Variants in AFF3 observed in about 807,000 individuals in gnomAD.
AFF3 encodes the protein AF4/FMR2 family member 3.
AFF3 carries 32 observed loss-of-function variants against 129.7 expected under a neutral mutation model. The ratio of observed to expected loss-of-function variants is 0.25; its 90% confidence interval spans 0.19 to 0.33. The LOEUF is 0.33. Ranked by LOEUF, AFF3 falls within the 10% of genes least tolerant of loss-of-function variation. The pLI, the probability that AFF3 is intolerant of heterozygous loss-of-function variation, is 1.00. For synonymous variants in AFF3, 644 were observed against 635.4 expected, an observed-to-expected ratio of 1.01 and a Z score of -0.20; for missense variants, 1,373 against 1,592.0, an observed-to-expected ratio of 0.86 and a Z score of 2.34.
chr2:99,914,834 C>T (rs1297878531), intron 7 of AFF3, among the ~76,000 whole-genome samples: 1 of 152,006 alleles, frequency 6.6e-6, no homozygotes, highest in Non-Finnish European at 1.5e-5. Context: ...GCAGGAGAAT[C>T]GCTTGAACCC....
chr2:99,565,853 T>C (rs1675912443), intron 19 of AFF3, among the ~76,000 whole-genome samples: 1 of 152,230 alleles, frequency 6.6e-6, no homozygotes, highest in Admixed American at 6.5e-5. Context: ...CAAACCCATG[T>C]GACAGCTGTC....
intron 15 of AFF3, among the ~76,000 whole-genome samples, chr2:99,590,886 G>C (rs901666126): frequency 1.3e-5 from 2 of 151,932 alleles, no homozygotes; most frequent in South Asian, 4.2e-4. Context: ...CAAGCTACTC[G>C]GGAGGCTGAG....
intron 7 of AFF3, among the ~76,000 whole-genome samples, chr2:99,839,009 C>T (rs1689108489): frequency 1.3e-5 from 2 of 152,198 alleles, no homozygotes; most frequent in South Asian, 4.1e-4. Context: ...AGACCTTCTC[C>T]TACCCAGAAT....
chr2:99,844,883 C>T (rs1689612645), intron 7 of AFF3, among the ~76,000 whole-genome samples: 1 of 151,916 alleles, frequency 6.6e-6, no homozygotes, highest in South Asian at 2.1e-4. Context: ...CTGACCAGTT[C>T]CTAGCAGAGA....
chr2:99,589,032 T>C (rs965249928), intron 15 of AFF3, among the ~76,000 whole-genome samples: 2 of 152,248 alleles, frequency 1.3e-5, no homozygotes, highest in Non-Finnish European at 2.9e-5. Flanking sequence ...CGGAATTTTA[T>C]GTAAGTCTTT....
At chr2:99,619,285 T>A (rs1681759775) in intron 13 of AFF3, among the ~76,000 whole-genome samples, 1 of 152,218 alleles carries the variant, frequency 6.6e-6, no homozygotes, top group South Asian at 2.1e-4. Flanking sequence ...CACCAAGGAA[T>A]ACAAGACTTA....
chr2:99,614,069 T>A (rs908707741), intron 13 of AFF3, among the ~76,000 whole-genome samples: 1 of 152,086 alleles, frequency 6.6e-6, no homozygotes, highest in East Asian at 1.9e-4. Context: ...TTGAGCCGAT[T>A]TGGAAAAGGT....
intron 8 of AFF3, among the ~76,000 whole-genome samples, chr2:99,832,826 T>C (rs1688602352): frequency 6.6e-6 from 1 of 152,176 alleles, no homozygotes; most frequent in South Asian, 2.1e-4. Flanking sequence ...ATGGGATATA[T>C]TAATGGCGCA....
intron 7 of AFF3, among the ~76,000 whole-genome samples, chr2:99,976,005 G>A (rs1293832910): frequency 6.6e-6 from 1 of 151,980 alleles, no homozygotes; most frequent in Non-Finnish European, 1.5e-5. Flanking sequence ...CAACCAGCCA[G>A]TGGCAGAACC....
chr2:100,028,706 T>C (rs962315966), intron 4 of AFF3, among the ~76,000 whole-genome samples: 10 of 152,178 alleles, frequency 6.6e-5, no homozygotes, highest in African/African-American at 2.4e-4. Context: ...ATATTAAACA[T>C]TTATTATTCC....
At chr2:100,007,898 C>T (rs1323673307) in intron 5 of AFF3, 1 of 179,424 alleles carries the variant, frequency 5.6e-6, no homozygotes, top group Non-Finnish European at 1.2e-5. Context: ...TCACTTGAAC[C>T]TGGGAGGCAG....
intron 11 of AFF3, among the ~76,000 whole-genome samples, chr2:99,684,028 C>T (rs371321429): frequency 4.6e-5 from 7 of 152,148 alleles, no homozygotes; most frequent in African/African-American, 1.4e-4. Flanking sequence ...TTTATAGTCA[C>T]GTGTGGGACA....
chr2:100,134,298 A>G (rs1692546697), intron 1 of AFF3, among the ~76,000 whole-genome samples: 1 of 152,218 alleles, frequency 6.6e-6, no homozygotes, highest in African/African-American at 2.4e-5. Context: ...AATTTCATCA[A>G]TATTATTGTA....
At chr2:99,585,318 G>T (rs976892642) in intron 16 of AFF3, among the ~76,000 whole-genome samples, 4 of 152,192 alleles carry the variant, frequency 2.6e-5, no homozygotes, top group Non-Finnish European at 5.9e-5. Flanking sequence ...GTTGGCCAAA[G>T]AAACTTTCTT....
At chr2:100,102,233 T>A (rs936296863) in intron 4 of AFF3, among the ~76,000 whole-genome samples, 9 of 149,540 alleles carry the variant, frequency 6.0e-5, no homozygotes, top group African/African-American at 2.0e-4. Context: ...CAAAAATTCA[T>A]CTGTGAGAAA....
At chr2:99,871,974 G>A (rs1691896649) in intron 7 of AFF3, among the ~76,000 whole-genome samples, 1 of 152,088 alleles carries the variant, frequency 6.6e-6, no homozygotes. Flanking sequence ...TTGGGAGGCT[G>A]AGGTGGGTGG....
Position 99,548,828 on chromosome 2 carries a change from T to C in AFF3, c.*2646A>G, listed in dbSNP as rs1343105952. The C allele has an allele frequency of 4.3e-6, 1 of 232,608 alleles. No homozygotes were observed. Among genetic ancestry groups the C allele is most frequent in the African/African-American group, 2.2e-5 (1 of 45,288 alleles). 14.4% of individuals were successfully genotyped at this position (232,608 alleles called of 1,614,324 possible). A position where few individuals can be genotyped will look rare whatever the true frequency, so the allele number is the denominator to read the frequency against. ...ATGAATGACTTTCACAAGCAACAAT[T>C]GGAGGATGGTTACTAACCAAAATCA... On this transcript the variant is annotated 3_prime_UTR_variant, in exon 25 of 25. Coordinates refer to ENST00000672756, the MANE Select transcript of AFF3 (RefSeq NM_001386135.1).
chr2:99,882,263 C>T (rs781649590), intron 7 of AFF3, among the ~76,000 whole-genome samples: 3 of 152,182 alleles, frequency 2.0e-5, no homozygotes, highest in Non-Finnish European at 2.9e-5. Context: ...CAGGGAACAG[C>T]CATTAATCTG....
chr2:99,613,842 C>T (rs1258400286), intron 13 of AFF3, among the ~76,000 whole-genome samples: 1 of 152,168 alleles, frequency 6.6e-6, no homozygotes, highest in East Asian at 1.9e-4. Flanking sequence ...TTTTTATTTT[C>T]CTTACTTTCT....
Sources: allele counts gnomAD v4.1 joint callset (sites outside exome capture counted in the v4.1 genomes callset), GRCh38; gene constraint gnomAD v4.1.1; transcripts MANE v1.5; gene names NCBI Gene and HGNC (gene_info 2026-07-23, HGNC 2026-07-21).